The following KIAA1958 variants were observed in gnomAD, a reference collection of about 807,000 sequenced individuals.
KIAA1958 encodes uncharacterized protein KIAA1958.
KIAA1958 carries 14 observed loss-of-function variants against 47.2 expected under a neutral mutation model. The ratio of observed to expected loss-of-function variants is 0.30; its 90% CI spans 0.20 to 0.46. KIAA1958 has a LOEUF of 0.46. KIAA1958 is among the 20% of genes least tolerant of loss of function. The pLI is 1.00. For missense variants in KIAA1958, 803 were observed against 909.2 expected (o/e 0.88, Z 1.50); for synonymous variants, 354 against 353.3 (o/e 1.00, Z -0.02).
chr9:112,630,122 G>T (rs1836683403), intron 2 of KIAA1958, among the ~76,000 whole-genome samples: 1 of 152,240 alleles, frequency 6.6e-6, no homozygotes, highest in South Asian at 2.1e-4. Flanking sequence ...CATTGCGCAT[G>T]TGACTGTGCC....
chr9:112,645,135 CAAA>C (rs11327633), intron 2 of KIAA1958, among the ~76,000 whole-genome samples: 13 of 136,352 alleles, frequency 9.5e-5, no homozygotes, highest in Non-Finnish European at 1.1e-4. Flanking sequence ...AACTTTGTCT[CAAA>C]AAAAAAAAAA....
chr9:112,517,835 C>T (rs796330792), intron 1 of KIAA1958, among the ~76,000 whole-genome samples: 6 of 152,116 alleles, frequency 3.9e-5, no homozygotes, highest in South Asian at 2.1e-4. Context: ...ATAAGATGTT[C>T]GATGTCATTG....
intron 2 of KIAA1958, among the ~76,000 whole-genome samples, chr9:112,602,475 AC>A (rs1836151505): frequency 6.6e-6 from 1 of 152,220 alleles, no homozygotes; most frequent in South Asian, 2.1e-4. Context: ...TTAGTACAGT[AC>A]CTAATAGACA....
intron 2 of KIAA1958, among the ~76,000 whole-genome samples, chr9:112,597,121 A>T (rs953672053): frequency 1.3e-4 from 20 of 152,282 alleles, no homozygotes; most frequent in Admixed American, 5.2e-4. Flanking sequence ...CCTTTCAGAT[A>T]CTCAGTTCTG....
At chr9:112,538,790 T>C (rs1413087487) in intron 1 of KIAA1958, among the ~76,000 whole-genome samples, 1 of 152,206 alleles carries the variant, frequency 6.6e-6, no homozygotes, top group Non-Finnish European at 1.5e-5. Context: ...TATTAATATA[T>C]TATCTGAGAT....
intron 1 of KIAA1958, among the ~76,000 whole-genome samples, chr9:112,541,521 A>G (rs955763616): frequency 2.0e-5 from 3 of 152,160 alleles, no homozygotes; most frequent in African/African-American, 7.2e-5. Context: ...AAAACAACAA[A>G]GACTGGGTAT....
rs536025834 is a variant in KIAA1958 at position 112,633,342 on chromosome 9, TTTACTTAAAGA to T, written c.1172-12296_1172-12286del. ...AGGGGGGATTTTAATTAGAATTACATTTACTTAAAGATTACTTAAAGAAATTAAATATCTTT... is the reference window on the plus strand; with the variant it reads ...AGGGGGGATTTTAATTAGAATTACATTTACTTAAAGAAATTAAATATCTTT... On this transcript the variant is annotated intron_variant, in intron 2 of 3. Transcript: ENST00000337530. 3.9e-3 allele frequency among the ~76,000 whole-genome samples: 591 copies of T among 152,272 alleles called. 7 individuals carry two copies. Among genetic ancestry groups the T allele is most frequent in the African/African-American group, 0.014 (564 of 41,558 alleles).
intron 2 of KIAA1958, among the ~76,000 whole-genome samples, chr9:112,591,977 G>A (rs184686244): frequency 1.4e-4 from 22 of 152,288 alleles, no homozygotes; most frequent in Admixed American, 9.2e-4. Context: ...CCTGACGCAC[G>A]TGGCCCTTGC....
chr9:112,551,652 A>G (rs1176717281), intron 1 of KIAA1958, among the ~76,000 whole-genome samples: 1 of 152,240 alleles, frequency 6.6e-6, no homozygotes, highest in Non-Finnish European at 1.5e-5. Context: ...AGAACATAAT[A>G]CAGTATCCTT....
chr9:112,651,762 T>C (rs1338908196), intron 3 of KIAA1958, among the ~76,000 whole-genome samples: 2 of 152,120 alleles, frequency 1.3e-5, no homozygotes, highest in African/African-American at 4.8e-5. Context: ...AGTTAGCATA[T>C]TACTAATAAC....
At chr9:112,607,783 A>T (rs749310736) in intron 2 of KIAA1958, among the ~76,000 whole-genome samples, 2 of 150,202 alleles carry the variant, frequency 1.3e-5, no homozygotes, top group Admixed American at 6.6e-5. Context: ...GGCAATCCAG[A>T]GACCTGTAAA....
chr9:112,551,366 C>T (rs1001379713), intron 1 of KIAA1958, among the ~76,000 whole-genome samples: 2 of 152,094 alleles, frequency 1.3e-5, no homozygotes, highest in Non-Finnish European at 1.5e-5. Context: ...TGGAATCATA[C>T]GGGATTTGTC....
intron 1 of KIAA1958, among the ~76,000 whole-genome samples, chr9:112,507,397 G>A (rs1048797504): frequency 6.6e-6 from 1 of 152,198 alleles, no homozygotes; most frequent in Non-Finnish European, 1.5e-5. Flanking sequence ...AATCCAGGGT[G>A]GAGTGCAGTG....
At chr9:112,584,205 T>C (rs1431747747) in intron 2 of KIAA1958, among the ~76,000 whole-genome samples, 1 of 152,210 alleles carries the variant, frequency 6.6e-6, no homozygotes, top group Non-Finnish European at 1.5e-5. Context: ...TGGGTGACTG[T>C]GGCAAGTTAC....
At chr9:112,569,211 C>G (rs1321656468) in intron 1 of KIAA1958, among the ~76,000 whole-genome samples, 1 of 152,092 alleles carries the variant, frequency 6.6e-6, no homozygotes, top group Non-Finnish European at 1.5e-5. Flanking sequence ...TGAGCATTGC[C>G]TATTAAATTT....
intron 1 of KIAA1958, among the ~76,000 whole-genome samples, chr9:112,539,732 C>T (rs534167216): frequency 5.3e-4 from 80 of 151,978 alleles, no homozygotes; most frequent in African/African-American, 1.9e-3. Flanking sequence ...CCTCTGTCAC[C>T]GAGGCTGGAG....
Position 112,659,523 on chromosome 9 carries a change from T to A in KIAA1958, c.1605T>A (p.Leu535=), listed in dbSNP as rs774779441. 2.1e-5 allele frequency: 34 copies of A among 1,613,242 alleles called. No homozygotes were observed. The highest frequency in any genetic ancestry group is 2.9e-5 in the Non-Finnish European group (34 of 1,179,670). The change falls in exon 4 of 4, where the codon CTT becomes CTA. Residue 535 remains leucine (L), a synonymous_variant. Transcript: ENST00000337530. Reference sequence around the variant, plus strand: ...CTCGCAACATCGTCTACTTCTCCCTTTCTGACGAGGAGGAGATGTGGCAGG... The same window carrying A: ...CTCGCAACATCGTCTACTTCTCCCTATCTGACGAGGAGGAGATGTGGCAGG... ...ARSRNIVYFS[L]SDEEEMWQAG...
At chr9:112,580,310 TAAG>T (rs1023343506) in intron 2 of KIAA1958, among the ~76,000 whole-genome samples, 38 of 152,156 alleles carry the variant, frequency 2.5e-4, no homozygotes, top group African/African-American at 2.9e-4. Flanking sequence ...TGTGGGCAGA[TAAG>T]AAGAGTTGTT....
At chr9:112,607,802 A>G (rs927454676) in intron 2 of KIAA1958, among the ~76,000 whole-genome samples, 14 of 151,422 alleles carry the variant, frequency 9.2e-5, no homozygotes, top group African/African-American at 3.4e-4. Flanking sequence ...AAGGTGGAAG[A>G]TAATGCTGAC....
Sources: gnomAD v4.1 joint callset for allele counts (sites outside exome capture counted in the v4.1 genomes callset) on GRCh38, gnomAD v4.1.1 for gene constraint, MANE v1.5 for transcripts, NCBI Gene and HGNC (gene_info 2026-07-23, HGNC 2026-07-21) for gene names.